Variants in ZNF385D observed in about 807,000 individuals in gnomAD.
The protein encoded by ZNF385D is zinc finger protein 659.
A neutral mutation model predicts 35.8 loss-of-function variants in ZNF385D; 15 were observed. The ratio of observed to expected loss-of-function variants is 0.42; its 90% CI spans 0.28 to 0.64. The LOEUF is 0.64. Among genes scored for constraint, ZNF385D ranks in the 30% least tolerant of loss-of-function variants. The pLI, the probability that ZNF385D is intolerant of heterozygous loss-of-function variation, is 0.23. For missense variants in ZNF385D, 474 were observed against 494.6 expected, an observed-to-expected ratio of 0.96 and a Z score of 0.39; for synonymous variants, 212 against 186.8, an observed-to-expected ratio of 1.13 and a Z score of -1.10.
chr3:22,087,047 C>T lies in ZNF385D; in HGVS notation c.325+81770G>A, dbSNP rs118032637. On this transcript the variant is annotated intron_variant, in intron 3 of 5. Coordinates refer to the ZNF385D transcript ENST00000494108. ...CGCATACATATGTAACAAACCTGCA[C>T]GCACATGTACCCTAGAACTTAAAGT... Among the ~76,000 whole-genome samples, 523 of 151,996 alleles carry T rather than the reference C, an allele frequency of 3.4e-3. 15 individuals are homozygous for T. Among genetic ancestry groups the T allele is most frequent in the Admixed American group, 0.024 (373 of 15,260 alleles).
At chr3:22,136,296 G>A (rs1356958472) in intron 3 of ZNF385D, among the ~76,000 whole-genome samples, 1 of 152,070 alleles carries the variant, frequency 6.6e-6, no homozygotes, top group Non-Finnish European at 1.5e-5. Context: ...GCTGAGGTAC[G>A]AGAATCGCTT....
chr3:21,777,529 G>C (rs555934068), intron 3 of ZNF385D: 1 of 151,902 alleles, frequency 6.6e-6, no homozygotes, highest in Non-Finnish European at 1.5e-5. Context: ...AACATGATCA[G>C]ACAGAGAGAG....
chr3:22,104,538 A>ATT lies in ZNF385D; in HGVS notation c.325+64277_325+64278dup, dbSNP rs111903984. ...TTACAACCACATGATTTTGGCAGAC[A>ATT]TTTTTTTTTGCCGCGTTGTGTACTT... On this transcript the variant is annotated intron_variant, in intron 3 of 5. Transcript: ENST00000494108. 7.3e-5 allele frequency among the ~76,000 whole-genome samples: 11 copies of ATT among 150,838 alleles called. 1 individual carries two copies. Among genetic ancestry groups the ATT allele is most frequent in the African/African-American group, 2.7e-4 (11 of 41,214 alleles).
intron 1 of ZNF385D, among the ~76,000 whole-genome samples, chr3:21,687,198 G>C (rs1488597854): frequency 6.6e-6 from 1 of 152,146 alleles, no homozygotes; most frequent in African/African-American, 2.4e-5. Flanking sequence ...CATGCGTGGG[G>C]TCATCTTAGA....
intron 2 of ZNF385D, among the ~76,000 whole-genome samples, chr3:22,292,451 GT>G (rs1702347484): frequency 6.6e-6 from 1 of 152,004 alleles, no homozygotes; most frequent in Admixed American, 6.6e-5. Context: ...TTTGTTTTCT[GT>G]GTTTTGGTAA....
At chr3:21,550,342 G>T (rs1205615457) in intron 3 of ZNF385D, among the ~76,000 whole-genome samples, 1 of 151,940 alleles carries the variant, frequency 6.6e-6, no homozygotes. Flanking sequence ...AGCCTAATTT[G>T]GTTACTAGGG....
At chr3:21,714,610 A>C (rs2125425759) in intron 1 of ZNF385D, among the ~76,000 whole-genome samples, 1 of 152,286 alleles carries the variant, frequency 6.6e-6, no homozygotes, top group South Asian at 2.1e-4. Context: ...TTGCATCATA[A>C]GTTTTTCCTC....
In ZNF385D at chr3:22,234,272, T is replaced by C. The variant is rs556982937; in HGVS notation, c.107-65237A>G. On this transcript the variant is annotated intron_variant, in intron 2 of 5. Transcript: ENST00000494108. ...CATCTCCTCAATGTATTTTATTAGC[T>C]GCCATCAGATTGTCTTAAATGCAAT... Among the ~76,000 whole-genome samples, 6 of 152,266 alleles carry C rather than the reference T, an allele frequency of 3.9e-5. No individual in the cohort carries two copies. In the East Asian group the frequency reaches 1.2e-3, roughly 29 times the overall value.
intron 3 of ZNF385D, among the ~76,000 whole-genome samples, chr3:22,007,105 A>T (rs959715158): frequency 6.6e-6 from 1 of 152,284 alleles, no homozygotes; most frequent in Admixed American, 6.5e-5. Flanking sequence ...TTTCAAAAAA[A>T]TCTACACCAA....
intron 2 of ZNF385D, among the ~76,000 whole-genome samples, chr3:21,644,284 G>T (rs188906284): frequency 1.3e-5 from 2 of 152,110 alleles, no homozygotes; most frequent in Non-Finnish European, 2.9e-5. Context: ...ATTAATGAAA[G>T]CAAGATAATT....
At chr3:21,851,423 C>A (rs981575250) in intron 3 of ZNF385D, among the ~76,000 whole-genome samples, 1 of 151,904 alleles carries the variant, frequency 6.6e-6, no homozygotes, top group Non-Finnish European at 1.5e-5. Context: ...AGTGTTTTTA[C>A]AATAGAAACG....
chr3:22,050,680 T>A (rs1009791237), intron 3 of ZNF385D, among the ~76,000 whole-genome samples: 3 of 152,220 alleles, frequency 2.0e-5, no homozygotes, highest in African/African-American at 4.8e-5. Context: ...CCAGATGAAC[T>A]CAGCAGTTTT....
Position 21,425,395 on chromosome 3 carries a change from G to C in ZNF385D, c.852+97C>G, listed in dbSNP as rs552407579. On this transcript the variant is annotated intron_variant, in intron 6 of 7. Coordinates refer to ENST00000281523, the MANE Select transcript of ZNF385D (RefSeq NM_024697.3). The stretch of plus-strand genomic sequence containing the variant: ...GGATGGATGAATAGATGGGTGAATG[G>C]GACAGAAAGACAGAAATAAAAAGGA... The C allele has an allele frequency of 1.2e-5, 16 of 1,311,120 alleles. No homozygotes were observed. The South Asian group carries it at 2.5e-4, about 20-fold the overall frequency. 81.2% of individuals were successfully genotyped at this position (1,311,120 alleles called of 1,614,324 possible).
intron 3 of ZNF385D, among the ~76,000 whole-genome samples, chr3:21,767,099 A>C (rs2070863062): frequency 7.0e-6 from 1 of 143,088 alleles, no homozygotes; most frequent in Non-Finnish European, 1.5e-5. Flanking sequence ...TGCACACTCT[A>C]GCTATTTCTG....
chr3:21,686,317 G>A (rs2067102629), intron 1 of ZNF385D, among the ~76,000 whole-genome samples: 1 of 152,118 alleles, frequency 6.6e-6, no homozygotes, highest in African/African-American at 2.4e-5. Context: ...TGCAGATTAT[G>A]CGTAGGTATA....
At chr3:21,697,607 G>T (rs1232355674) in intron 1 of ZNF385D, among the ~76,000 whole-genome samples, 2 of 151,976 alleles carry the variant, frequency 1.3e-5, no homozygotes, top group Non-Finnish European at 2.9e-5. Context: ...TGGACAAATG[G>T]GACTTAATTA....
At chr3:21,977,811 G>A (rs1703729744) in intron 3 of ZNF385D, among the ~76,000 whole-genome samples, 1 of 152,076 alleles carries the variant, frequency 6.6e-6, no homozygotes, top group African/African-American at 2.4e-5. Context: ...ACTCTAGCCT[G>A]GGCAACAGAG....
intron 3 of ZNF385D, among the ~76,000 whole-genome samples, chr3:22,032,006 A>C (rs1698031786): frequency 6.6e-6 from 1 of 152,206 alleles, no homozygotes; most frequent in African/African-American, 2.4e-5. Context: ...GGCAGGGGCA[A>C]AATGCCACCA....
intron 2 of ZNF385D, among the ~76,000 whole-genome samples, chr3:22,293,192 C>T (rs1173287732): frequency 6.6e-6 from 1 of 152,010 alleles, no homozygotes; most frequent in East Asian, 1.9e-4. Flanking sequence ...TTATATTATT[C>T]ATTTGCATGT....
Sources: gnomAD v4.1 joint callset for allele counts (sites outside exome capture counted in the v4.1 genomes callset) on GRCh38, gnomAD v4.1.1 for gene constraint, MANE v1.5 for transcripts, NCBI Gene and HGNC (gene_info 2026-07-23, HGNC 2026-07-21) for gene names.